Variants in FAM135B observed in about 807,000 individuals in gnomAD.
FAM135B encodes the protein protein FAM135B.
A neutral mutation model predicts 127.7 loss-of-function variants in FAM135B; 43 were observed. The ratio of observed to expected loss-of-function variants is 0.34; its 90% CI spans 0.26 to 0.43. FAM135B has a LOEUF of 0.43. Ranked by LOEUF, FAM135B falls within the 20% of genes least tolerant of loss-of-function variation. The pLI is 1.00. For synonymous variants in FAM135B, 670 were observed against 665.1 expected, an observed-to-expected ratio of 1.01 and a Z score of -0.11; for missense variants, 1,558 against 1,725.6, an observed-to-expected ratio of 0.90 and a Z score of 1.72.
At chr8:138,146,821 G>C (rs1233585459) in intron 14 of FAM135B, among the ~76,000 whole-genome samples, 1 of 152,172 alleles carries the variant, frequency 6.6e-6, no homozygotes, top group African/African-American at 2.4e-5. Flanking sequence ...TTTCTTAAAA[G>C]TTCCCTGTAC....
intron 14 of FAM135B, among the ~76,000 whole-genome samples, chr8:138,146,788 T>C (rs545179547): frequency 5.8e-4 from 89 of 152,324 alleles, no homozygotes; most frequent in Non-Finnish European, 9.3e-4. Context: ...GGTTCAATTG[T>C]GTCTTAATAA....
chr8:138,167,552 T>C (rs188859404), intron 12 of FAM135B, among the ~76,000 whole-genome samples: 1 of 152,238 alleles, frequency 6.6e-6, no homozygotes, highest in Admixed American at 6.5e-5. Flanking sequence ...AATGGCACAT[T>C]TGAGATAAGA....
intron 2 of FAM135B, among the ~76,000 whole-genome samples, chr8:138,344,920 G>T (rs1829309890): frequency 6.6e-6 from 1 of 152,148 alleles, no homozygotes; most frequent in Admixed American, 6.5e-5. Flanking sequence ...ATCATAGCAT[G>T]TATTTCAAAC....
At chr8:138,155,726 A>G (rs1289435721) in intron 12 of FAM135B, among the ~76,000 whole-genome samples, 3 of 152,222 alleles carry the variant, frequency 2.0e-5, no homozygotes, top group African/African-American at 7.2e-5. Flanking sequence ...TAAAGGGATC[A>G]ATTCCACAAG....
At chr8:138,400,975 C>T (rs750390433) in intron 1 of FAM135B, among the ~76,000 whole-genome samples, 15 of 152,186 alleles carry the variant, frequency 9.9e-5, no homozygotes, top group Non-Finnish European at 1.8e-4. Flanking sequence ...AAGGACTGTG[C>T]ACTTAAGAAA....
chr8:138,148,573 T>G lies in FAM135B; in HGVS notation c.3395A>C (p.Glu1132Ala), dbSNP rs765014070. ...GTGAATTCCATCTTCCAAATTTTCT[T>G]CCTCTTCCTCTGGTGGGAAATATGG... is the stretch of plus-strand genomic sequence containing the variant. ...DIPYFPPEEEEENLEDGIHLV... is the reference protein window; with the variant it reads ...DIPYFPPEEEAENLEDGIHLV... Residue 1132 changes from glutamate (E) to alanine (A), a missense_variant, in exon 14 of 20, where the codon GAA becomes GCA. Glu to Ala is a moderately radical substitution (Grantham distance 107, BLOSUM62 -1). Coordinates refer to ENST00000395297, the MANE Select transcript of FAM135B (RefSeq NM_015912.4). 3 of 1,613,906 alleles carry G rather than the reference T, an allele frequency of 1.9e-6. No individual in the cohort carries two copies. In the African/African-American group the frequency reaches 4.0e-5, roughly 22 times the overall value.
intron 11 of FAM135B, among the ~76,000 whole-genome samples, chr8:138,176,736 C>T (rs1814510295): frequency 1.3e-5 from 2 of 152,114 alleles, no homozygotes; most frequent in African/African-American, 4.8e-5. Context: ...TTGAGGTGAA[C>T]GTATCATTTG....
rs546308084 is a variant in FAM135B at position 138,414,663 on chromosome 8, C to G, written c.-19-46661G>C. On this transcript the variant is annotated intron_variant, in intron 1 of 19. Transcript: ENST00000395297. ...AGATTATTAACTGATTAATTTTTTT[C>G]CCCACTCTTCAACCTAAAAACTGGA... 1.1e-4 allele frequency among the ~76,000 whole-genome samples: 17 copies of G among 152,050 alleles called. No homozygotes were observed. In the South Asian group the frequency reaches 3.5e-3, roughly 32 times the overall value.
chr8:138,279,539 A>T (rs1396899488), intron 3 of FAM135B, among the ~76,000 whole-genome samples: 4 of 152,238 alleles, frequency 2.6e-5, no homozygotes, highest in African/African-American at 9.6e-5. Flanking sequence ...ACTCAGACTG[A>T]TCTTTATTTA....
chr8:138,418,579 T>C (rs1009544435), intron 1 of FAM135B, among the ~76,000 whole-genome samples: 2 of 151,730 alleles, frequency 1.3e-5, no homozygotes, highest in Non-Finnish European at 2.9e-5. Flanking sequence ...AGGATCTCCA[T>C]CAGACTACCA....
chr8:138,194,090 C>T (rs984986953), intron 9 of FAM135B, among the ~76,000 whole-genome samples: 11 of 152,178 alleles, frequency 7.2e-5, no homozygotes, highest in Non-Finnish European at 1.5e-4. Flanking sequence ...GACATTAGGC[C>T]TTTGACTCGT....
At chr8:138,282,831 C>T (rs1824365482) in intron 3 of FAM135B, among the ~76,000 whole-genome samples, 1 of 152,194 alleles carries the variant, frequency 6.6e-6, no homozygotes, top group Non-Finnish European at 1.5e-5. Flanking sequence ...CACTCCTTGG[C>T]ATTTACCCAA....
intron 3 of FAM135B, among the ~76,000 whole-genome samples, chr8:138,306,507 G>C (rs1826271650): frequency 6.7e-6 from 1 of 150,070 alleles, no homozygotes; most frequent in Non-Finnish European, 1.5e-5. Flanking sequence ...GCTTTCCCTT[G>C]AATGTTTAGA....
chr8:138,371,955 GACC>G (rs1831155952), intron 1 of FAM135B, among the ~76,000 whole-genome samples: 9 of 152,300 alleles, frequency 5.9e-5, no homozygotes, highest in African/African-American at 2.2e-4. Context: ...CTTACGAGCA[GACC>G]TTGCCCTCAT....
At chr8:138,316,936 C>T (rs572348299) in intron 2 of FAM135B, among the ~76,000 whole-genome samples, 172 of 151,096 alleles carry the variant, frequency 1.1e-3, no homozygotes, top group Non-Finnish European at 1.8e-3. Context: ...GCCGTGACCG[C>T]ACCACTGCAC....
At chr8:138,419,073 A>G (rs767026186) in intron 1 of FAM135B, among the ~76,000 whole-genome samples, 2 of 152,188 alleles carry the variant, frequency 1.3e-5, no homozygotes, top group Non-Finnish European at 2.9e-5. Flanking sequence ...TGGATAAAGA[A>G]GCAAGAAGAC....
At chr8:138,155,846 G>A (rs550386097) in intron 12 of FAM135B, among the ~76,000 whole-genome samples, 1 of 152,174 alleles carries the variant, frequency 6.6e-6, no homozygotes, top group East Asian at 1.9e-4. Flanking sequence ...CAATAATAGT[G>A]GGAGATTTTA....
At chr8:138,305,523 C>T (rs1269199342) in intron 3 of FAM135B, among the ~76,000 whole-genome samples, 1 of 152,174 alleles carries the variant, frequency 6.6e-6, no homozygotes, top group East Asian at 1.9e-4. Flanking sequence ...ATTTGTAACC[C>T]TGAACTCAAA....
At chr8:138,445,435 C>T (rs1451819303) in intron 1 of FAM135B, among the ~76,000 whole-genome samples, 3 of 152,188 alleles carry the variant, frequency 2.0e-5, no homozygotes, top group Admixed American at 2.0e-4. Flanking sequence ...TCCAGCAGCA[C>T]ATCAAAAAGC....
Sources: allele counts gnomAD v4.1 joint callset (sites outside exome capture counted in the v4.1 genomes callset), GRCh38; gene constraint gnomAD v4.1.1; transcripts MANE v1.5; gene names NCBI Gene and HGNC (gene_info 2026-07-23, HGNC 2026-07-21).